The following SPOCK3 variants were observed in gnomAD, a reference collection of about 807,000 sequenced individuals.
SPOCK3 encodes the protein SPARC (osteonectin), cwcv and kazal like domains proteoglycan 3.
A neutral mutation model predicts 56.6 loss-of-function variants in SPOCK3; 30 were observed. The observed-to-expected ratio is 0.53, with a 90% CI of 0.40 to 0.72. The LOEUF (loss-of-function observed/expected upper bound fraction) is 0.72. Among genes scored for constraint, SPOCK3 ranks in the 30% least tolerant of loss-of-function variants. The pLI is 0.00. For missense variants in SPOCK3, 527 were observed against 530.0 expected (o/e 0.99, Z 0.06); for synonymous variants, 196 against 183.3 (o/e 1.07, Z -0.56).
intron 2 of SPOCK3, among the ~76,000 whole-genome samples, chr4:167,230,278 T>C (rs1034540049): frequency 1.3e-5 from 2 of 151,928 alleles, no homozygotes; most frequent in African/African-American, 4.8e-5. Context: ...TTAATTAAAC[T>C]ATAAAATATA....
intron 6 of SPOCK3, among the ~76,000 whole-genome samples, chr4:166,836,467 T>C (rs1351572340): frequency 6.6e-6 from 1 of 152,228 alleles, no homozygotes; most frequent in Non-Finnish European, 1.5e-5. Context: ...TCGTTGTTTG[T>C]AGGGGTTGAG....
rs1254077197 is a variant in SPOCK3, at chr4:166,733,788, G to A, written c.*1133C>T. 2 of 152,154 alleles carry A rather than the reference G, an allele frequency of 1.3e-5. No individual in the cohort carries two copies. Among genetic ancestry groups the A allele is most frequent in the African/African-American group, 4.8e-5 (2 of 41,394 alleles). The allele number at this position is 152,154 out of a possible 1,614,324, so 9.4% of individuals were successfully genotyped here. A position where few individuals can be genotyped will look rare whatever the true frequency, so the allele number is the denominator to read the frequency against. ...ATAAACAAGTCCACATGGCAATTAT[G>A]TAACAATAGAAAAAAAGAAACAAAC... On this transcript the variant is annotated 3_prime_UTR_variant, in exon 11 of 11. Coordinates refer to ENST00000357545, the MANE Select transcript of SPOCK3 (RefSeq NM_001040159.2).
At chr4:167,028,222 A>ACATT (rs1480926265) in intron 3 of SPOCK3, among the ~76,000 whole-genome samples, 1 of 135,472 alleles carries the variant, frequency 7.4e-6, no homozygotes, top group Admixed American at 7.0e-5. Context: ...CCCTGTCTTT[A>ACATT]CATTTTTTTT....
chr4:167,105,954 G>A (rs560002823), intron 2 of SPOCK3, among the ~76,000 whole-genome samples: 4 of 152,022 alleles, frequency 2.6e-5, no homozygotes, highest in Admixed American at 2.0e-4. Context: ...AAATATGTAA[G>A]CAATCATTAC....
intron 7 of SPOCK3, among the ~76,000 whole-genome samples, chr4:166,783,080 G>A (rs1740349792): frequency 6.6e-6 from 1 of 152,082 alleles, no homozygotes; most frequent in Non-Finnish European, 1.5e-5. Context: ...TAGATTTGGT[G>A]GGGCATGGTG....
chr4:166,890,987 A>G (rs902280147), intron 5 of SPOCK3, among the ~76,000 whole-genome samples: 1 of 151,952 alleles, frequency 6.6e-6, no homozygotes, highest in African/African-American at 2.4e-5. Flanking sequence ...TGTTGCATTG[A>G]TCCCTTTACC....
chr4:167,002,901 T>C (rs1345618419), intron 3 of SPOCK3, among the ~76,000 whole-genome samples: 1 of 152,202 alleles, frequency 6.6e-6, no homozygotes, highest in African/African-American at 2.4e-5. Context: ...TGCCTAACAA[T>C]TAAATAATGT....
intron 4 of SPOCK3, among the ~76,000 whole-genome samples, chr4:166,998,839 C>A (rs1490856758): frequency 1.3e-5 from 2 of 152,058 alleles, no homozygotes; most frequent in Non-Finnish European, 2.9e-5. Context: ...ATATATGAAT[C>A]CCTTTTGACA....
chr4:167,143,218 C>A (rs1029642714), intron 2 of SPOCK3, among the ~76,000 whole-genome samples: 1 of 151,970 alleles, frequency 6.6e-6, no homozygotes, highest in African/African-American at 2.4e-5. Context: ...ATAGACCACA[C>A]ATCCCTCCCA....
chr4:167,198,493 A>C (rs1184639419), intron 2 of SPOCK3, among the ~76,000 whole-genome samples: 1 of 152,194 alleles, frequency 6.6e-6, no homozygotes. Flanking sequence ...ATCTAAAATG[A>C]CCAAATGTCA....
chr4:166,864,806 A>G (rs1731622267), intron 6 of SPOCK3, among the ~76,000 whole-genome samples: 2 of 152,168 alleles, frequency 1.3e-5, no homozygotes, highest in Non-Finnish European at 2.9e-5. Flanking sequence ...TACCAACAAA[A>G]AAAAAGCTCA....
chr4:166,824,291 T>C (rs1034575079), intron 6 of SPOCK3, among the ~76,000 whole-genome samples: 1 of 152,106 alleles, frequency 6.6e-6, no homozygotes, highest in Non-Finnish European at 1.5e-5. Context: ...TCCAATAGAT[T>C]ATCCCACTTA....
chr4:166,804,556 T>C (rs1742953411), intron 6 of SPOCK3, among the ~76,000 whole-genome samples: 1 of 152,290 alleles, frequency 6.6e-6, no homozygotes, highest in South Asian at 2.1e-4. Context: ...AAAACTTGCA[T>C]TGTGAACATT....
At chr4:167,090,055 G>A (rs1268944335) in intron 2 of SPOCK3, among the ~76,000 whole-genome samples, 1 of 152,100 alleles carries the variant, frequency 6.6e-6, no homozygotes, top group Non-Finnish European at 1.5e-5. Context: ...TTTTCAGTAT[G>A]GGGTAATTAC....
intron 2 of SPOCK3, 61 bp from the exon 3 acceptor site, chr4:167,062,598 T>A: frequency 2.3e-6 from 3 of 1,300,386 alleles, no homozygotes; most frequent in Non-Finnish European, 3.3e-6. Context: ...AGGGTTCATA[T>A]AAAATCTAAA....
At chr4:167,108,704 A>C (rs138106076) in intron 2 of SPOCK3, among the ~76,000 whole-genome samples, 391 of 151,482 alleles carry the variant, frequency 2.6e-3, no homozygotes, top group Admixed American at 4.8e-3. Context: ...TAATGGGTAA[A>C]AACAGTAGTT....
chr4:166,857,432 C>T (rs1730810233), intron 6 of SPOCK3, among the ~76,000 whole-genome samples: 1 of 152,304 alleles, frequency 6.6e-6, no homozygotes, highest in Non-Finnish European at 1.5e-5. Flanking sequence ...CATGAGCCAG[C>T]TGGAAAGTCT....
At chr4:166,813,307 A>T (rs955258123) in intron 6 of SPOCK3, among the ~76,000 whole-genome samples, 2 of 152,000 alleles carry the variant, frequency 1.3e-5, no homozygotes, top group South Asian at 4.1e-4. Context: ...TTCTCACATA[A>T]CACATCACAG....
intron 6 of SPOCK3, among the ~76,000 whole-genome samples, chr4:166,835,384 A>G (rs1385006639): frequency 2.0e-5 from 3 of 152,220 alleles, no homozygotes; most frequent in African/African-American, 4.8e-5. Context: ...TTTAAGTAGA[A>G]GACACCAAAG....
Sources: gnomAD v4.1 joint callset for allele counts (sites outside exome capture counted in the v4.1 genomes callset) on GRCh38, gnomAD v4.1.1 for gene constraint, MANE v1.5 for transcripts, NCBI Gene and HGNC (gene_info 2026-07-23, HGNC 2026-07-21) for gene names.